The following PHKB variants were observed in gnomAD, a reference collection of about 807,000 sequenced individuals.
PHKB encodes phosphorylase kinase regulatory subunit beta.
In PHKB, 122 loss-of-function variants were observed where a neutral mutation model predicts 152.1. The ratio of observed to expected loss-of-function variants is 0.80; its 90% CI spans 0.69 to 0.93. PHKB has a LOEUF of 0.93. Ranked by LOEUF, PHKB falls within the 40% of genes least tolerant of loss-of-function variation. The probability of loss-of-function intolerance (pLI) is 0.00; values close to 1 mark genes in which losing one functional copy is unlikely to be tolerated. For synonymous variants in PHKB, 436 were observed against 464.9 expected (o/e 0.94, Z 0.80); for missense variants, 1,304 against 1,328.4 (o/e 0.98, Z 0.29).
At chr16:47,605,582 G>A (rs185353002) in intron 13 of PHKB, among the ~76,000 whole-genome samples, 3 of 152,132 alleles carry the variant, frequency 2.0e-5, no homozygotes, top group Admixed American at 6.5e-5. Flanking sequence ...ATTGAGATAC[G>A]GAAATAATTT....
intron 20 of PHKB, among the ~76,000 whole-genome samples, chr16:47,655,550 T>TCAC (rs1973320685): frequency 2.0e-5 from 3 of 152,178 alleles, no homozygotes; most frequent in East Asian, 1.9e-4. Context: ...AGTGTGGTGA[T>TCAC]TTTCTCTCAA....
intron 13 of PHKB, among the ~76,000 whole-genome samples, chr16:47,605,774 GA>G (rs139465812): frequency 0.07 from 10,704 of 152,114 alleles, 500 homozygotes; most frequent in Non-Finnish European, 0.1. Flanking sequence ...ATTTCGATAG[GA>G]AAAATGTAAC....
chr16:47,492,176 C>T (rs142499521), intron 1 of PHKB, among the ~76,000 whole-genome samples: 1 of 152,274 alleles, frequency 6.6e-6, no homozygotes, highest in African/African-American at 2.4e-5. Context: ...CAAAACATTG[C>T]CACGTGGTTG....
At chr16:47,660,623 C>G (rs1346052623) in intron 21 of PHKB, 34 bp from the exon 22 acceptor site, 2 of 1,611,856 alleles carry the variant, frequency 1.2e-6, no homozygotes, top group African/African-American at 2.7e-5. Context: ...ATTAGAAAAG[C>G]AGAAAATATG....
At chr16:47,677,507 T>C (rs1973754627) in intron 26 of PHKB, among the ~76,000 whole-genome samples, 1 of 152,176 alleles carries the variant, frequency 6.6e-6, no homozygotes. Context: ...GTGAGGGCTC[T>C]CCTCCTGGCT....
intron 26 of PHKB, among the ~76,000 whole-genome samples, chr16:47,686,116 A>T (rs1597181242): frequency 6.6e-6 from 1 of 152,290 alleles, no homozygotes; most frequent in East Asian, 1.9e-4. Flanking sequence ...TCCTTTCATG[A>T]TTTTTGAGAA....
At chr16:47,626,580 G>A (rs1461931442) in intron 14 of PHKB, among the ~76,000 whole-genome samples, 1 of 152,162 alleles carries the variant, frequency 6.6e-6, no homozygotes, top group Non-Finnish European at 1.5e-5. Context: ...AAAAGTTTAT[G>A]GTACAGCCAG....
chr16:47,660,587 T>G lies in PHKB; in HGVS notation c.2033+20T>G. 1 of 1,613,244 alleles carries G rather than the reference T, an allele frequency of 6.2e-7. No homozygotes were observed. Among genetic ancestry groups the G allele is most frequent in the Non-Finnish European group, 8.5e-7 (1 of 1,179,192 alleles). On this transcript the variant is annotated intron_variant, in intron 21 of 30. Transcript: ENST00000323584. Reference sequence around the variant, plus strand: ...AGAAGAGTAAGTCCCTTTGGGTTATTTCATTTTTGGGTTTTTTGAAATTAC... The same window carrying G: ...AGAAGAGTAAGTCCCTTTGGGTTATGTCATTTTTGGGTTTTTTGAAATTAC...
intron 20 of PHKB, among the ~76,000 whole-genome samples, chr16:47,652,093 A>C (rs1973247470): frequency 6.6e-6 from 1 of 151,096 alleles, no homozygotes; most frequent in South Asian, 2.1e-4. Context: ...TTTTTCCCTC[A>C]GTCTTTCATG....
At chr16:47,513,503 AT>A (rs1240446627) in intron 5 of PHKB, among the ~76,000 whole-genome samples, 1 of 152,138 alleles carries the variant, frequency 6.6e-6, no homozygotes, top group Admixed American at 6.5e-5. Context: ...AGACCCTGAT[AT>A]CCAATGGACT....
Position 47,497,426 on chromosome 16 carries a change from T to A in PHKB, c.104T>A (p.Ile35Asn). ...TCAGTTTATGAACCTCTTAAAAGCA[T>A]TAATCTTCCAAGACCTGATAATGAA... Reference protein sequence around the residue: ...SGSVYEPLKSINLPRPDNETL... With the variant: ...SGSVYEPLKSNNLPRPDNETL... The change falls in exon 2 of 31, where the codon ATT becomes AAT. Residue 35 changes from isoleucine (I) to asparagine (N), a missense_variant. Ile to Asn is a moderately radical substitution (Grantham distance 149). Transcript: ENST00000323584. 2 of 1,608,030 alleles carry A rather than the reference T, an allele frequency of 1.2e-6. No homozygotes were observed. Among genetic ancestry groups the A allele is most frequent in the Non-Finnish European group, 1.7e-6 (2 of 1,176,688 alleles).
intron 14 of PHKB, among the ~76,000 whole-genome samples, chr16:47,632,424 A>T (rs1972844025): frequency 6.6e-6 from 1 of 152,230 alleles, no homozygotes; most frequent in South Asian, 2.1e-4. Flanking sequence ...CTATGTGTTA[A>T]TATATGAAAA....
chr16:47,600,526 G>A (rs940185771), intron 13 of PHKB, among the ~76,000 whole-genome samples: 13 of 152,128 alleles, frequency 8.5e-5, no homozygotes, highest in Non-Finnish European at 1.5e-4. Context: ...TGAGCTATTT[G>A]CAAAAATAAA....
chr16:47,467,640 C>A (rs78000986), intron 1 of PHKB, among the ~76,000 whole-genome samples: 3,086 of 152,176 alleles, frequency 0.02, 102 homozygotes, highest in African/African-American at 0.07. Flanking sequence ...AAATAGAGGC[C>A]ATATCATATG....
rs777714363 is a variant in PHKB at position 47,649,205 on chromosome 16, G to A, written c.1797+1G>A. On this transcript the variant is annotated splice_donor_variant, in intron 18 of 30. Coordinates refer to ENST00000323584, the MANE Select transcript of PHKB (RefSeq NM_000293.3). LOFTEE classifies it high-confidence loss of function. ...TTTCCTGCTGATAGATGACATAAAG[G>A]TAGCTTCGGAACACCTTTCTTAAAA... The A allele has an allele frequency of 6.7e-7, 1 of 1,503,104 alleles. No homozygotes were observed. The highest frequency in any genetic ancestry group is 2.3e-5 in the East Asian group (1 of 44,266). 93.1% of individuals were successfully genotyped at this position (1,503,104 alleles called of 1,614,324 possible).
In PHKB at chr16:47,597,942, C is replaced by T. The variant is rs1308847124; in HGVS notation, c.1363+1411C>T. The T allele has an allele frequency of 2.0e-5, 3 of 151,650 alleles. No homozygotes were observed. In the East Asian group the frequency reaches 5.8e-4, roughly 29 times the overall value. The allele number at this position is 151,650 out of a possible 1,614,324, so 9.4% of individuals were successfully genotyped here. A position where few individuals can be genotyped will look rare whatever the true frequency, so the allele number is the denominator to read the frequency against. Reference sequence around the variant, plus strand: ...AATGGGAAATCTTTCTTTTAAGTACCAAGTCAATTTCTTCAACTGTACAAT... The same window carrying T: ...AATGGGAAATCTTTCTTTTAAGTACTAAGTCAATTTCTTCAACTGTACAAT... On this transcript the variant is annotated intron_variant, in intron 13 of 30. Coordinates refer to ENST00000323584, the MANE Select transcript of PHKB (RefSeq NM_000293.3).
rs1973425243 is a variant in PHKB at position 47,660,637 on chromosome 16, CCTTTT to C, written c.2034-14_2034-10del. On this transcript the variant is annotated splice_polypyrimidine_tract_variant and intron_variant, in intron 21 of 30. Transcript: ENST00000323584. ...CATTAGAAAAGCAGAAAATATGAAA[CCTTTT>C]CTTTTAATTTTTAGGCTTCCAGAAT... 1.2e-6 allele frequency: 2 copies of C among 1,612,596 alleles called. No homozygotes were observed. Among genetic ancestry groups the C allele is most frequent in the South Asian group, 1.1e-5 (1 of 91,048 alleles).
At chr16:47,672,777 A>G (rs976210676) in intron 26 of PHKB, among the ~76,000 whole-genome samples, 1 of 152,148 alleles carries the variant, frequency 6.6e-6, no homozygotes, top group Non-Finnish European at 1.5e-5. Flanking sequence ...GGGAATGGAT[A>G]TTTATTCTAA....
At chr16:47,549,426 C>T (rs1971232214) in intron 7 of PHKB, among the ~76,000 whole-genome samples, 1 of 152,136 alleles carries the variant, frequency 6.6e-6, no homozygotes, top group Non-Finnish European at 1.5e-5. Context: ...TGCAGTGGCT[C>T]ACACCTGTAA....
Sources: gnomAD v4.1 joint callset for allele counts (sites outside exome capture counted in the v4.1 genomes callset) on GRCh38, gnomAD v4.1.1 for gene constraint, MANE v1.5 for transcripts, NCBI Gene and HGNC (gene_info 2026-07-23, HGNC 2026-07-21) for gene names.